NR5A1: variants seen among roughly 807,000 people sequenced by gnomAD.
The protein encoded by NR5A1 is nuclear receptor subfamily 5 group A member 1, also known as steroidogenic factor 1.
In NR5A1, 6 loss-of-function variants were observed where a neutral mutation model predicts 42.7. The observed-to-expected ratio is 0.14, with a 90% confidence interval of 0.08 to 0.28. The LOEUF (loss-of-function observed/expected upper bound fraction) is 0.28, where lower values mean the gene tolerates loss of function less well. NR5A1 is among the 10% of genes least tolerant of loss of function. NR5A1 has a pLI of 1.00. For synonymous variants in NR5A1, 274 were observed against 277.5 expected, an observed-to-expected ratio of 0.99 and a Z score of 0.12; for missense variants, 442 against 626.4, an observed-to-expected ratio of 0.71 and a Z score of 3.14.
At position 124,500,567 on chromosome 9, in the gene NR5A1, C is replaced by A. The variant is rs769519459; in HGVS notation, c.393G>T (p.Pro131=). 5.0e-6 allele frequency: 8 copies of A among 1,611,432 alleles called. No homozygotes were observed. Among genetic ancestry groups the A allele is most frequent in the Middle Eastern group, 1.7e-4 (1 of 5,950 alleles). ...ETGPPMGVPP[P]PPPAPDYVLP... ...GCACGTAGTCCGGTGCGGGAGGGGG[C>A]GGCGGGGGCACCCCCATCGGGGGCC... Residue 131 remains proline (P), a synonymous_variant, in exon 4 of 7, where the codon CCG becomes CCT. Transcript: ENST00000373588. The surrounding 1 kb of genome is among the most constrained non-coding windows in gnomAD (Gnocchi z 6.9).
rs527349793 is a variant in NR5A1 at position 124,505,939 on chromosome 9, G to C, written c.-16+1310C>G. On this transcript the variant is annotated intron_variant, in intron 1 of 6. Transcript: ENST00000373588. ...AGGGGCCTGCTTGCATCCTGCCTCC[G>C]CCCCCGCTGGCACCTGGGGTCAGAG... 1.4e-3 allele frequency among the ~76,000 whole-genome samples: 210 copies of C among 151,476 alleles called. 1 individual carries two copies. Among genetic ancestry groups the C allele is most frequent in the South Asian group, 4.4e-3 (21 of 4,814 alleles).
chr9:124,500,460 G>A lies in NR5A1; in HGVS notation c.500C>T (p.Pro167Leu). 2.5e-6 allele frequency: 4 copies of A among 1,592,202 alleles called. No homozygotes were observed. The highest frequency in any genetic ancestry group is 3.4e-6 in the Non-Finnish European group (4 of 1,171,304). Residue 167 changes from proline to leucine, a missense_variant, in exon 4 of 7, where the codon CCA (proline) becomes CTA (leucine). Physicochemically the swap from Pro to Leu is moderately conservative, Grantham distance 98. Coordinates refer to ENST00000373588, the MANE Select transcript of NR5A1 (RefSeq NM_004959.5). This position sits in a 1 kb window ranked among gnomAD's most constrained non-coding sequence, Gnocchi z 6.9. ...PAGPLGDFGA[P>L]ALPMAVPGAH... is the part of the protein sequence containing the mutation. The stretch of plus-strand genomic sequence containing the variant: ...ACCGGGCACGGCCATGGGCAGTGCT[G>A]GGGCCCCAAAGTCGCCCAGTGGCCC...
In NR5A1 at chr9:124,482,391, A is replaced by C. The variant is rs907495226; in HGVS notation, c.*367T>G. ...AGGAGGAAGGGATGACCTCTGATCCAAGGGACGTCGAGGCCCACCAGGGAA... is the reference window on the plus strand; with the variant it reads ...AGGAGGAAGGGATGACCTCTGATCCCAGGGACGTCGAGGCCCACCAGGGAA... On this transcript the variant is annotated 3_prime_UTR_variant, in exon 7 of 7. Transcript: ENST00000373588. 2 of 358,740 alleles carry C rather than the reference A, an allele frequency of 5.6e-6. No individual in the cohort carries two copies. The highest frequency in any genetic ancestry group is 2.3e-5 in the South Asian group (1 of 43,362). 22.2% of individuals were successfully genotyped at this position (358,740 alleles called of 1,614,324 possible).
At chr9:124,487,400 G>A (rs967101069) in intron 6 of NR5A1, among the ~76,000 whole-genome samples, 3 of 152,262 alleles carry the variant, frequency 2.0e-5, no homozygotes, top group Non-Finnish European at 2.9e-5. Context: ...CGCCTCAATG[G>A]AAGTCAGGAA....
At chr9:124,499,264 C>G (rs1337711335) in intron 4 of NR5A1, among the ~76,000 whole-genome samples, 1 of 152,174 alleles carries the variant, frequency 6.6e-6, no homozygotes, top group Non-Finnish European at 1.5e-5. Context: ...CTGGGAAGTT[C>G]TTTCCTATGT....
At chr9:124,505,599 C>G (rs1249504179) in intron 1 of NR5A1, among the ~76,000 whole-genome samples, 2 of 152,212 alleles carry the variant, frequency 1.3e-5, no homozygotes, top group African/African-American at 4.8e-5. Flanking sequence ...CTGGGGAGAT[C>G]TGGGGCGAAC....
intron 6 of NR5A1, 30 bp from the exon 7 acceptor site, chr9:124,483,035 C>A: frequency 6.2e-7 from 1 of 1,612,508 alleles, no homozygotes; most frequent in African/African-American, 1.3e-5. Context: ...GTCACCATCG[C>A]GTCACCATCC....
intron 1 of NR5A1, among the ~76,000 whole-genome samples, chr9:124,505,540 A>T (rs1158544294): frequency 6.6e-6 from 1 of 152,158 alleles, no homozygotes; most frequent in East Asian, 1.9e-4. Flanking sequence ...CCCAAGCAGT[A>T]GGGGCAAAGC....
At chr9:124,485,050 G>A (rs1203685494) in intron 6 of NR5A1, among the ~76,000 whole-genome samples, 1 of 152,112 alleles carries the variant, frequency 6.6e-6, no homozygotes, top group East Asian at 1.9e-4. Context: ...GCCCCGCCCC[G>A]ACTTGACCAG....
rs771335549 is a variant in NR5A1 at position 124,501,387 on chromosome 9, T to TA, written c.245-673dup. On this transcript the variant is annotated intron_variant, in intron 3 of 6. Coordinates refer to ENST00000373588, the MANE Select transcript of NR5A1 (RefSeq NM_004959.5). The surrounding 1 kb of genome is among the most constrained non-coding windows in gnomAD (Gnocchi z 4.1). Reference sequence around the variant, plus strand: ...CCAAGTTTAGAGCTGGCCAAGGCTCTATGCTGGGGGAGGGGACCTCTCTTG... The same window carrying TA: ...CCAAGTTTAGAGCTGGCCAAGGCTCTAATGCTGGGGGAGGGGACCTCTCTTG... Among the ~76,000 whole-genome samples, 59 of 152,256 alleles carry TA rather than the reference T, an allele frequency of 3.9e-4. No homozygotes were observed. Among genetic ancestry groups the TA allele is most frequent in the Admixed American group, 3.5e-3 (54 of 15,290 alleles).
chr9:124,495,913 C>T (rs539774452), intron 4 of NR5A1, among the ~76,000 whole-genome samples: 1 of 152,328 alleles, frequency 6.6e-6, no homozygotes, highest in East Asian at 1.9e-4. Flanking sequence ...TGCATTCGAG[C>T]CCCCATCCGG....
chr9:124,497,727 C>A (rs989735500), intron 4 of NR5A1, among the ~76,000 whole-genome samples: 14 of 152,218 alleles, frequency 9.2e-5, no homozygotes, highest in Non-Finnish European at 1.6e-4. Context: ...CCAGGCTCTG[C>A]TCTGGCCCTG....
chr9:124,490,796 G>A (rs1832295694), intron 6 of NR5A1, among the ~76,000 whole-genome samples: 1 of 152,158 alleles, frequency 6.6e-6, no homozygotes, highest in African/African-American at 2.4e-5. Flanking sequence ...GGGCCCCCTA[G>A]ATCCAGGGAT....
At position 124,504,906 on chromosome 9, in the gene NR5A1, C is replaced by A. The variant is rs866115597; in HGVS notation, c.-15-1496G>T. 1.2e-3 allele frequency among the ~76,000 whole-genome samples: 161 copies of A among 136,784 alleles called. 1 individual carries two copies. The highest frequency in any genetic ancestry group is 3.7e-3 in the African/African-American group (144 of 38,770). 89.7% of individuals were successfully genotyped at this position (136,784 alleles called of 152,430 possible). On this transcript the variant is annotated intron_variant, in intron 1 of 6. Transcript: ENST00000373588. ...CGCCCCCCATCCTGCCTCCCTGTTC[C>A]CCCCCGCACCGCCGCCGGGGCCGCT...
At position 124,498,878 on chromosome 9, in the gene NR5A1, C is replaced by T. The variant is rs1041506373; in HGVS notation, c.870+1212G>A. Among the ~76,000 whole-genome samples the T allele has an allele frequency of 3.9e-5, 6 of 152,212 alleles. No homozygotes were observed. Among genetic ancestry groups the T allele is most frequent in the Admixed American group, 1.3e-4 (2 of 15,282 alleles). On this transcript the variant is annotated intron_variant, in intron 4 of 6. Transcript: ENST00000373588. This position sits in a 1 kb window ranked among gnomAD's most constrained non-coding sequence, Gnocchi z 4.6. ...CCAGATGGCCCAGGCCCCAGTCCCG[C>T]GATGCCCCTAGGGCTCGGAGCACCC... is the stretch of plus-strand genomic sequence containing the variant.
chr9:124,503,263 G>A lies in NR5A1; in HGVS notation c.102+31C>T. The stretch of plus-strand genomic sequence containing the variant: ...CAGCGAGGCCCCGCAGCGCCCGTCT[G>A]CCGCACCCCTGCCGCGCGCTCGCCG... On this transcript the variant is annotated intron_variant, in intron 2 of 6. Transcript: ENST00000373588. This position sits in a 1 kb window ranked among gnomAD's most constrained non-coding sequence, Gnocchi z 9.6. 1 of 1,605,974 alleles carries A rather than the reference G, an allele frequency of 6.2e-7. No individual in the cohort carries two copies. The highest frequency in any genetic ancestry group is 1.7e-4 in the Middle Eastern group (1 of 6,024).
At chr9:124,502,207 C>T (rs974922006) in intron 3 of NR5A1, among the ~76,000 whole-genome samples, 3 of 152,198 alleles carry the variant, frequency 2.0e-5, no homozygotes, top group African/African-American at 7.2e-5. Flanking sequence ...GCAATGAACG[C>T]CTAGGCACCT....
In NR5A1 at chr9:124,500,499, G is replaced by A; in HGVS notation, c.461C>T (p.Ala154Val). The change falls in exon 4 of 7, where the codon GCC becomes GTC. Residue 154 changes from alanine to valine, a missense_variant. Transcript: ENST00000373588. This position sits in a 1 kb window ranked among gnomAD's most constrained non-coding sequence, Gnocchi z 6.9. The stretch of plus-strand genomic sequence containing the variant: ...GCCCAGTGGCCCAGCAGGTGGACCG[G>A]CGGCCAGGCCCTTGGGCTCAGGCCC... ...LHGPEPKGLA[A>V]GPPAGPLGDF... The A allele has an allele frequency of 1.2e-6, 2 of 1,604,386 alleles. No homozygotes were observed. The highest frequency in any genetic ancestry group is 1.7e-5 in the Admixed American group (1 of 59,682).
intron 1 of NR5A1, among the ~76,000 whole-genome samples, chr9:124,505,971 T>TG (rs549257704): frequency 7.9e-5 from 12 of 152,054 alleles, no homozygotes; most frequent in Non-Finnish European, 1.6e-4. Context: ...AGAGAGAGTT[T>TG]GGGGACCATG....
Sources: allele counts gnomAD v4.1 joint callset (sites outside exome capture counted in the v4.1 genomes callset), GRCh38; gene constraint gnomAD v4.1.1; non-coding constraint Gnocchi (gnomAD v3.1); transcripts MANE v1.5; gene names NCBI Gene and HGNC (gene_info 2026-07-23, HGNC 2026-07-21).